PSD3: variants seen among roughly 807,000 people sequenced by gnomAD.
PSD3 encodes PH and SEC7 domain-containing protein 3.
Under a neutral mutation model 105.5 loss-of-function variants are expected in PSD3, and 49 were observed. The ratio of observed to expected loss-of-function variants is 0.46; its 90% CI spans 0.37 to 0.59. The LOEUF is 0.59. PSD3 is among the 20% of genes least tolerant of loss of function. The probability of loss-of-function intolerance (pLI) is 0.00; values close to 1 mark genes in which losing one functional copy is unlikely to be tolerated. For synonymous variants in PSD3, 557 were observed against 457.8 expected (o/e 1.22, Z -2.77); for missense variants, 1,561 against 1,263.8 (o/e 1.24, Z -3.57).
chr8:18,537,923 C>G (rs553113798), intron 15 of PSD3, among the ~76,000 whole-genome samples: 1 of 152,168 alleles, frequency 6.6e-6, no homozygotes, highest in African/African-American at 2.4e-5. Flanking sequence ...GTGATCCACC[C>G]GCCTCGGCCT....
intron 1 of PSD3, among the ~76,000 whole-genome samples, chr8:18,978,554 T>C (rs1825075656): frequency 6.6e-6 from 1 of 152,162 alleles, no homozygotes; most frequent in Non-Finnish European, 1.5e-5. Flanking sequence ...CTGAGATGGC[T>C]ACATCTATGG....
At chr8:18,894,765 C>T (rs117024329) in intron 2 of PSD3, among the ~76,000 whole-genome samples, 7,164 of 152,188 alleles carry the variant, frequency 0.047, 206 homozygotes, top group South Asian at 0.082. Flanking sequence ...ATGATAATAA[C>T]GTAATGAGAA....
At chr8:18,769,860 A>G (rs1017021454) in intron 8 of PSD3, among the ~76,000 whole-genome samples, 2 of 152,140 alleles carry the variant, frequency 1.3e-5, no homozygotes, top group Non-Finnish European at 2.9e-5. Flanking sequence ...GGATATACCA[A>G]TTGTGTTTCT....
chr8:18,853,447 A>G (rs374667851), intron 4 of PSD3, among the ~76,000 whole-genome samples: 1 of 152,118 alleles, frequency 6.6e-6, no homozygotes, highest in African/African-American at 2.4e-5. Flanking sequence ...CTTCTTTAGC[A>G]TCGTTGACCT....
intron 9 of PSD3, among the ~76,000 whole-genome samples, chr8:18,669,605 G>A (rs1476432230): frequency 2.6e-5 from 4 of 152,190 alleles, no homozygotes; most frequent in South Asian, 2.1e-4. Flanking sequence ...GGAAGGATTC[G>A]CGTCCACATG....
intron 4 of PSD3, among the ~76,000 whole-genome samples, chr8:18,835,933 G>T (rs1354733178): frequency 6.6e-6 from 1 of 152,156 alleles, no homozygotes; most frequent in Non-Finnish European, 1.5e-5. Context: ...CTCTGGCTTT[G>T]ACTCTGAGAT....
intron 9 of PSD3, among the ~76,000 whole-genome samples, chr8:18,700,828 C>T (rs1353423723): frequency 3.9e-5 from 6 of 152,094 alleles, no homozygotes; most frequent in East Asian, 3.8e-4. Flanking sequence ...GTGAACCTGA[C>T]GCAATGCCAC....
At chr8:18,757,016 A>C (rs3988322) in intron 9 of PSD3, among the ~76,000 whole-genome samples, 36,431 of 136,504 alleles carry the variant, frequency 0.27, 6,807 homozygotes, top group African/African-American at 0.55. Context: ...AGGTGTTTTT[A>C]TCCCATGCCG....
chr8:18,906,162 G>T (rs182624644), intron 2 of PSD3, among the ~76,000 whole-genome samples: 1 of 152,210 alleles, frequency 6.6e-6, no homozygotes, highest in Non-Finnish European at 1.5e-5. Flanking sequence ...CCTTGAGAAA[G>T]CTACAGACCC....
At chr8:18,834,601 C>T (rs905584936) in intron 4 of PSD3, among the ~76,000 whole-genome samples, 2 of 152,044 alleles carry the variant, frequency 1.3e-5, no homozygotes, top group Non-Finnish European at 2.9e-5. Flanking sequence ...AAATCTGGGC[C>T]GCGGATACCC....
rs79731471 is a variant in PSD3, at chr8:18,631,035, G to A, written c.2410+1578C>T. On this transcript the variant is annotated intron_variant, in intron 11 of 15. Transcript: ENST00000327040. ...GATATTAAGGGACAACGGTATTTTC[G>A]TATTTTTCACTTAGCCTATAGATTT... Among the ~76,000 whole-genome samples the A allele has an allele frequency of 4.2e-3, 640 of 152,046 alleles. 4 individuals are homozygous for A. Among genetic ancestry groups the A allele is most frequent in the African/African-American group, 0.015 (612 of 41,508 alleles).
intron 2 of PSD3, among the ~76,000 whole-genome samples, chr8:18,921,103 C>T (rs1358607136): frequency 6.6e-6 from 1 of 152,156 alleles, no homozygotes; most frequent in African/African-American, 2.4e-5. Context: ...CTTGAAAAAA[C>T]AAATGTAAAC....
At chr8:18,542,668 G>A (rs1210401579) in intron 15 of PSD3, among the ~76,000 whole-genome samples, 6 of 152,110 alleles carry the variant, frequency 3.9e-5, no homozygotes, top group African/African-American at 1.2e-4. Flanking sequence ...GCATGGTGGC[G>A]GTAAAAAGAA....
In PSD3 at chr8:18,727,537, TA is replaced by T. The variant is rs11397776; in HGVS notation, c.2172+37911del. 3.5e-5 allele frequency among the ~76,000 whole-genome samples: 5 copies of T among 143,176 alleles called. No homozygotes were observed. The East Asian group carries it at 1.0e-3, about 29-fold the overall frequency. 93.9% of individuals were successfully genotyped at this position (143,176 alleles called of 152,430 possible). A position where few individuals can be genotyped will look rare whatever the true frequency, so the allele number is the denominator to read the frequency against. On this transcript the variant is annotated intron_variant, in intron 9 of 15. Transcript: ENST00000327040. ...TCGATCAATCAATCAATAGCTAAAT[TA>T]AAAAAAAATCCAAACACACACACAC...
chr8:19,070,369 CA>C (rs10561436), intron 1 of PSD3, among the ~76,000 whole-genome samples: 53,245 of 133,300 alleles, frequency 0.4, 9,948 homozygotes, highest in South Asian at 0.5. Flanking sequence ...ATGTCATGTG[CA>C]AAAAAAAAAA....
chr8:18,905,782 T>C (rs549131437), intron 2 of PSD3, among the ~76,000 whole-genome samples: 1 of 152,344 alleles, frequency 6.6e-6, no homozygotes, highest in South Asian at 2.1e-4. Flanking sequence ...CATTATTTTT[T>C]ACTGGATGAT....
intron 1 of PSD3, among the ~76,000 whole-genome samples, chr8:18,949,238 AAAAAAAATAT>A (rs1247006373): frequency 4.1e-4 from 18 of 43,804 alleles, no homozygotes; most frequent in South Asian, 2.9e-3. Context: ...AAAAAAAAAA[AAAAAAAATAT>A]ATATATATAT....
At chr8:19,082,000 G>A (rs574966534) in intron 1 of PSD3, among the ~76,000 whole-genome samples, 14 of 152,298 alleles carry the variant, frequency 9.2e-5, no homozygotes, top group Non-Finnish European at 1.5e-5. Flanking sequence ...TGGTCAAGAA[G>A]ATATTATATT....
chr8:18,814,794 T>C (rs1812065967), intron 4 of PSD3, among the ~76,000 whole-genome samples: 1 of 152,212 alleles, frequency 6.6e-6, no homozygotes, highest in African/African-American at 2.4e-5. Flanking sequence ...CCAACTCATT[T>C]TTCTGGAGTC....
Sources: gnomAD v4.1 joint callset for allele counts (sites outside exome capture counted in the v4.1 genomes callset) on GRCh38, gnomAD v4.1.1 for gene constraint, MANE v1.5 for transcripts, NCBI Gene and HGNC (gene_info 2026-07-23, HGNC 2026-07-21) for gene names.